The following LUZP2 variants were observed in gnomAD, a reference collection of about 807,000 sequenced individuals.
The protein encoded by LUZP2 is leucine zipper protein 2.
In LUZP2, 52 loss-of-function variants were observed where a neutral mutation model predicts 51.6. That is an observed-to-expected ratio of 1.01 (90% CI 0.81 to 1.27). The LOEUF is 1.27. LUZP2 is among the 50% of genes most tolerant of loss of function. LUZP2 has a pLI of 0.00. For synonymous variants in LUZP2, 154 were observed against 137.3 expected, an observed-to-expected ratio of 1.12 and a Z score of -0.85; for missense variants, 436 against 395.4, an observed-to-expected ratio of 1.10 and a Z score of -0.87.
At chr11:24,599,436 CA>C (rs1853549893) in intron 1 of LUZP2, among the ~76,000 whole-genome samples, 1 of 152,034 alleles carries the variant, frequency 6.6e-6, no homozygotes, top group Non-Finnish European at 1.5e-5. Context: ...ACATTTGGGC[CA>C]ATTCAACTGT....
At chr11:24,498,178 C>T (rs1296578986) in intron 1 of LUZP2, among the ~76,000 whole-genome samples, 4 of 152,090 alleles carry the variant, frequency 2.6e-5, no homozygotes, top group Admixed American at 6.5e-5. Flanking sequence ...ATTCTGCATG[C>T]CCTTAGCATC....
chr11:25,024,752 G>A (rs112543245), intron 9 of LUZP2, among the ~76,000 whole-genome samples: 85,663 of 148,752 alleles, frequency 0.58, 25,808 homozygotes, highest in African/African-American at 0.75. Context: ...TGCCATCCCC[G>A]TCAAGCTACC....
intron 5 of LUZP2, among the ~76,000 whole-genome samples, chr11:24,834,888 C>G (rs147190633): frequency 6.6e-6 from 1 of 152,122 alleles, no homozygotes; most frequent in Non-Finnish European, 1.5e-5. Context: ...GCATAAAGGT[C>G]TTCTTTTGAG....
chr11:24,679,741 C>A (rs746113927), intron 1 of LUZP2, among the ~76,000 whole-genome samples: 14 of 152,252 alleles, frequency 9.2e-5, no homozygotes, highest in Admixed American at 4.6e-4. Flanking sequence ...GGTTTCTCTC[C>A]AATGTCTTCC....
intron 1 of LUZP2, among the ~76,000 whole-genome samples, chr11:24,624,950 A>G (rs562211215): frequency 6.6e-6 from 1 of 152,306 alleles, no homozygotes; most frequent in East Asian, 1.9e-4. Context: ...GAGAAAAAGA[A>G]TAAATATGAA....
rs1307034991 is a variant in LUZP2 at position 24,611,222 on chromosome 11, G to T, written c.62+113917G>T. Among the ~76,000 whole-genome samples, 3 of 152,034 alleles carry T rather than the reference G, an allele frequency of 2.0e-5. No homozygotes were observed. Among genetic ancestry groups the T allele is most frequent in the Admixed American group, 1.3e-4 (2 of 15,260 alleles). On this transcript the variant is annotated intron_variant, in intron 1 of 11. Coordinates refer to ENST00000336930, the MANE Select transcript of LUZP2 (RefSeq NM_001009909.4). This position sits in a 1 kb window ranked among gnomAD's most constrained non-coding sequence, Gnocchi z 4.6. Reference sequence around the variant, plus strand: ...TTTACTTTGTGCCGAGGTTGTGCTAGCTACTAAGACTGTAATGGTGCCTAT... The same window carrying T: ...TTTACTTTGTGCCGAGGTTGTGCTATCTACTAAGACTGTAATGGTGCCTAT...
At chr11:24,827,627 A>C (rs906516302) in intron 5 of LUZP2, among the ~76,000 whole-genome samples, 2 of 152,184 alleles carry the variant, frequency 1.3e-5, no homozygotes, top group Admixed American at 1.3e-4. Flanking sequence ...GAAGGGGCGT[A>C]GGGGCATGAT....
chr11:24,776,352 C>T (rs766131820), intron 5 of LUZP2, among the ~76,000 whole-genome samples: 1 of 149,400 alleles, frequency 6.7e-6, no homozygotes, highest in Non-Finnish European at 1.5e-5. Flanking sequence ...GAGTCAACCA[C>T]CATGGTCAGG....
At chr11:24,746,610 A>G (rs1859388317) in intron 4 of LUZP2, among the ~76,000 whole-genome samples, 1 of 152,182 alleles carries the variant, frequency 6.6e-6, no homozygotes, top group Admixed American at 6.6e-5. Context: ...TAGCAAGGCT[A>G]TGGAAGTTTT....
intron 1 of LUZP2, among the ~76,000 whole-genome samples, chr11:24,535,913 A>T (rs10834372): frequency 6.6e-6 from 1 of 151,378 alleles, no homozygotes; most frequent in Admixed American, 6.6e-5. Flanking sequence ...TGTTTTTTTT[A>T]AATAATAAGA....
In LUZP2 at chr11:24,497,106, G is replaced by A. The variant is rs563669359; in HGVS notation, c.-138G>A. 3 of 674,214 alleles carry A rather than the reference G, an allele frequency of 4.4e-6. No individual in the cohort carries two copies. The highest frequency in any genetic ancestry group is 6.8e-6 in the Non-Finnish European group (3 of 442,386). 41.8% of individuals were successfully genotyped at this position (674,214 alleles called of 1,614,324 possible). A position where few individuals can be genotyped will look rare whatever the true frequency, so the allele number is the denominator to read the frequency against. On this transcript the variant is annotated 5_prime_UTR_variant, in exon 1 of 12. It adds an upstream start codon to the 5' untranslated region. Transcript: ENST00000336930. ...GCCTGCCTTCCCCAGGCGTCCGTTC[G>A]TGTGCCCGTCTCCGCCTTTCCGCCT...
At chr11:24,510,765 A>G (rs1850284123) in intron 1 of LUZP2, among the ~76,000 whole-genome samples, 1 of 152,214 alleles carries the variant, frequency 6.6e-6, no homozygotes, top group Non-Finnish European at 1.5e-5. Context: ...TTCATTTTTA[A>G]AAATTCTAAT....
At chr11:24,537,527 G>A (rs1851215349) in intron 1 of LUZP2, among the ~76,000 whole-genome samples, 1 of 151,936 alleles carries the variant, frequency 6.6e-6, no homozygotes, top group South Asian at 2.1e-4. Flanking sequence ...ATACTAAAAT[G>A]TACGTGCTAT....
intron 1 of LUZP2, among the ~76,000 whole-genome samples, chr11:24,557,462 ATATCT>A (rs1286160325): frequency 6.6e-6 from 1 of 152,286 alleles, no homozygotes; most frequent in East Asian, 1.9e-4. Context: ...CTGAATAGAC[ATATCT>A]TATGAATTTC....
intron 1 of LUZP2, among the ~76,000 whole-genome samples, chr11:24,609,656 G>A (rs1389581473): frequency 7.5e-6 from 1 of 134,174 alleles, no homozygotes; most frequent in Non-Finnish European, 1.5e-5. Context: ...CTTTAACCCT[G>A]GGGGCGGAGG....
At chr11:24,812,898 A>T (rs79562388) in intron 5 of LUZP2, among the ~76,000 whole-genome samples, 6,150 of 152,240 alleles carry the variant, frequency 0.04, 386 homozygotes, top group African/African-American at 0.13. Flanking sequence ...TCTTAAGTAC[A>T]GCAAACCTAG....
At chr11:24,988,460 C>T (rs1856246139) in intron 9 of LUZP2, among the ~76,000 whole-genome samples, 1 of 151,912 alleles carries the variant, frequency 6.6e-6, no homozygotes, top group African/African-American at 2.4e-5. Flanking sequence ...AATAATGTTT[C>T]CTCACAACTT....
chr11:25,043,098 A>ATAGTGTCTCTATATATACACACAC (rs1858126708), intron 9 of LUZP2, among the ~76,000 whole-genome samples: 1 of 152,100 alleles, frequency 6.6e-6, no homozygotes, highest in Non-Finnish European at 1.5e-5. Context: ...CTTCATAAGA[A>ATAGTGTCTCTATATATACACACAC]ACTGATCCTG....
intron 1 of LUZP2, among the ~76,000 whole-genome samples, chr11:24,602,148 A>ATGTGTATATATATG (rs1853704994): frequency 2.4e-5 from 2 of 83,106 alleles, no homozygotes; most frequent in African/African-American, 1.0e-4. Context: ...ATATGTATAT[A>ATGTGTATATATATG]TGTATATATG....
Sources: allele counts gnomAD v4.1 joint callset (sites outside exome capture counted in the v4.1 genomes callset), GRCh38; gene constraint gnomAD v4.1.1; non-coding constraint Gnocchi (gnomAD v3.1); transcripts MANE v1.5; gene names NCBI Gene and HGNC (gene_info 2026-07-23, HGNC 2026-07-21).